Variants in ZNF699 observed in about 807,000 individuals in gnomAD.
ZNF699 encodes zinc finger protein 699, also known as hangover homolog.
Under a neutral mutation model 22.5 loss-of-function variants are expected in ZNF699, and 18 were observed. The observed-to-expected ratio is 0.80, with a 90% CI of 0.55 to 1.19. The LOEUF (loss-of-function observed/expected upper bound fraction) is 1.19. Ranked by LOEUF, ZNF699 falls within the 50% of genes most tolerant of loss-of-function variation. The pLI is 0.00. For synonymous variants in ZNF699, 241 were observed against 262.3 expected (o/e 0.92, Z 0.78); for missense variants, 670 against 763.4 (o/e 0.88, Z 1.44).
In ZNF699 at chr19:9,293,903, C is replaced by T. The variant is rs1351664139; in HGVS notation, c.*1572G>A. On this transcript the variant is annotated 3_prime_UTR_variant, in exon 6 of 6. Coordinates refer to ENST00000591998, the MANE Select transcript of ZNF699 (RefSeq NM_198535.3). ...AATATAATACTGTAGCTAAAGGTAC[C>T]TGAAGCAATTCATCTTCTTACATTT... Among the ~76,000 whole-genome samples the T allele has an allele frequency of 1.1e-4, 16 of 150,420 alleles. No individual in the cohort carries two copies. The Admixed American group carries it at 1.1e-3, about 10-fold the overall frequency.
chr19:9,293,427 C>T lies in ZNF699; in HGVS notation c.*2048G>A. Among the ~76,000 whole-genome samples the T allele has an allele frequency of 6.6e-6, 1 of 152,272 alleles. No homozygotes were observed. Among genetic ancestry groups the T allele is most frequent in the East Asian group, 1.9e-4 (1 of 5,184 alleles). ...AGTCTACCCTATGATTCAGTAAATT[C>T]ATTCCTGAGCATATAGCACATACCA... is the stretch of plus-strand genomic sequence containing the variant. On this transcript the variant is annotated 3_prime_UTR_variant, in exon 6 of 6. Coordinates refer to ENST00000591998, the MANE Select transcript of ZNF699 (RefSeq NM_198535.3).
At position 9,296,532 on chromosome 19, in the gene ZNF699, GAAC is replaced by G. The variant is rs779928911; in HGVS notation, c.869_871del (p.Cys290del). ...TCTTTTGTGTTCTGTGAGCGATGAG[GAAC>G]AACTAAAACCTTTCCCACATTCTTT... On this transcript the variant is annotated inframe_deletion, in exon 6 of 6. Coordinates refer to ENST00000591998, the MANE Select transcript of ZNF699 (RefSeq NM_198535.3). 6.2e-7 allele frequency: 1 copy of G among 1,613,846 alleles called. No homozygotes were observed. The highest frequency in any genetic ancestry group is 8.5e-7 in the Non-Finnish European group (1 of 1,179,994).
At position 9,293,190 on chromosome 19, in the gene ZNF699, A is replaced by G. The variant is rs567190820; in HGVS notation, c.*2285T>C. 0.018 allele frequency among the ~76,000 whole-genome samples: 2,721 copies of G among 151,494 alleles called. 69 individuals carry two copies. The highest frequency in any genetic ancestry group is 0.06 in the African/African-American group (2,458 of 41,170). On this transcript the variant is annotated 3_prime_UTR_variant, in exon 6 of 6. Coordinates refer to ENST00000591998, the MANE Select transcript of ZNF699 (RefSeq NM_198535.3). The stretch of plus-strand genomic sequence containing the variant: ...GAAATGTTTCAACAGGTGCCCTCAA[A>G]AAAAAAAAAAATCCAAATAGCCAAT...
At chr19:9,308,081 T>TA (rs1164168778) in intron 1 of ZNF699, among the ~76,000 whole-genome samples, 1 of 151,944 alleles carries the variant, frequency 6.6e-6, no homozygotes, top group African/African-American at 2.4e-5. Flanking sequence ...TCAGAAAAGC[T>TA]AAAAAAGCAT....
chr19:9,293,148 AGAAAT>A lies in ZNF699; in HGVS notation c.*2322_*2326del, dbSNP rs1384722843. On this transcript the variant is annotated 3_prime_UTR_variant, in exon 6 of 6. Coordinates refer to ENST00000591998, the MANE Select transcript of ZNF699 (RefSeq NM_198535.3). ...CGTCTCAAAAAAAAAAAAAAAGAAA[AGAAAT>A]CATAAATGGATGAAATGTTTCAACA... 4.0e-5 allele frequency among the ~76,000 whole-genome samples: 6 copies of A among 151,832 alleles called. No homozygotes were observed. Among genetic ancestry groups the A allele is most frequent in the African/African-American group, 1.2e-4 (5 of 41,274 alleles).
chr19:9,296,525 C>A lies in ZNF699; in HGVS notation c.879G>T (p.Ser293=), dbSNP rs778167775. Residue 293 remains serine (S), a synonymous_variant, in exon 6 of 6, where the codon TCG becomes TCT. Coordinates refer to ENST00000591998, the MANE Select transcript of ZNF699 (RefSeq NM_198535.3). ...ECGKGFSCSS[S]LTEHKRIHSG... is the part of the protein sequence containing the mutation. ...TGTGAATTCTTTTGTGTTCTGTGAG[C>A]GATGAGGAACAACTAAAACCTTTCC... 1.2e-6 allele frequency: 2 copies of A among 1,613,592 alleles called. No individual in the cohort carries two copies. Among genetic ancestry groups the A allele is most frequent in the Non-Finnish European group, 1.7e-6 (2 of 1,179,878 alleles).
chr19:9,298,649 C>T (rs2066296038), intron 3 of ZNF699, among the ~76,000 whole-genome samples: 1 of 152,072 alleles, frequency 6.6e-6, no homozygotes, highest in Non-Finnish European at 1.5e-5. Flanking sequence ...TAAAATGAAA[C>T]AAAACAAGGT....
Position 9,297,199 on chromosome 19 carries a change from C to A in ZNF699, c.470+97G>T. 7.9e-7 allele frequency: 1 copy of A among 1,259,076 alleles called. No homozygotes were observed. The highest frequency in any genetic ancestry group is 2.6e-5 in the East Asian group (1 of 38,198). 78.0% of individuals were successfully genotyped at this position (1,259,076 alleles called of 1,614,324 possible). On this transcript the variant is annotated intron_variant, in intron 5 of 5. Coordinates refer to ENST00000591998, the MANE Select transcript of ZNF699 (RefSeq NM_198535.3). The surrounding 1 kb of genome is among the most constrained non-coding windows in gnomAD (Gnocchi z 4.3). The stretch of plus-strand genomic sequence containing the variant: ...TCTTTCTCAAACCACAATCTTTGAT[C>A]TAGGCTTATTTATATATACATATTT...
In ZNF699 at chr19:9,302,501, A is replaced by C; in HGVS notation, c.52T>G (p.Ser18Ala). The change falls in exon 3 of 6, where the codon TCA becomes GCA. Residue 18 changes from serine to alanine, a missense_variant. Physicochemically the swap from Ser to Ala is moderately conservative, Grantham distance 99. Coordinates refer to ENST00000591998, the MANE Select transcript of ZNF699 (RefSeq NM_198535.3). The stretch of plus-strand genomic sequence containing the variant: ...ACAGCCACATCCTCAAAGACTACTG[A>C]GTCCTAAAACATACCACAAATTCTG... Reference protein sequence around the residue: ...AELQKNRIQDSVVFEDVAVDF... With the variant: ...AELQKNRIQDAVVFEDVAVDF... 1 of 1,611,428 alleles carries C rather than the reference A, an allele frequency of 6.2e-7. No homozygotes were observed. The highest frequency in any genetic ancestry group is 8.5e-7 in the Non-Finnish European group (1 of 1,178,648).
chr19:9,301,055 C>A (rs867323521), intron 3 of ZNF699, among the ~76,000 whole-genome samples: 1 of 151,294 alleles, frequency 6.6e-6, no homozygotes, highest in Non-Finnish European at 1.5e-5. Flanking sequence ...AGAGGTTATA[C>A]GGGAAATCTC....
intron 3 of ZNF699, among the ~76,000 whole-genome samples, chr19:9,299,965 A>G (rs1195259635): frequency 6.6e-6 from 1 of 152,184 alleles, no homozygotes; most frequent in African/African-American, 2.4e-5. Flanking sequence ...GATGCTCAAC[A>G]TCATAAGTCA....
In ZNF699 at chr19:9,309,531, G is replaced by C. The variant is rs1028200771; in HGVS notation, c.-187C>G. On this transcript the variant is annotated 5_prime_UTR_variant, in exon 1 of 6. Transcript: ENST00000591998. ...CTGCATCAGAATCACCCCGATTTCT[G>C]TACCCAGACCAGAGTTCCCGATTCA... 1.3e-5 allele frequency: 2 copies of C among 152,316 alleles called. No individual in the cohort carries two copies. Among genetic ancestry groups the C allele is most frequent in the Non-Finnish European group, 2.9e-5 (2 of 68,088 alleles). The allele number at this position is 152,316 out of a possible 1,614,324, so 9.4% of individuals were successfully genotyped here.
Position 9,295,549 on chromosome 19 carries a change from C to T in ZNF699, c.1855G>A (p.Glu619Lys), listed in dbSNP as rs1458745091. Residue 619 changes from glutamate to lysine, a missense_variant, in exon 6 of 6, where the codon GAA becomes AAA. Transcript: ENST00000591998. ...GGACAAACAAAGGCTTTCCCACATT[C>T]CTTACATTCATAGGGTTTCTCTCCA... Reference protein sequence around the residue: ...HTGEKPYECKECGKAFVCPAY... With the variant: ...HTGEKPYECKKCGKAFVCPAY... The T allele has an allele frequency of 1.9e-6, 3 of 1,614,020 alleles. No individual in the cohort carries two copies. In the South Asian group the frequency reaches 3.3e-5, roughly 18 times the overall value.
chr19:9,304,594 G>A (rs1369475556), intron 2 of ZNF699, among the ~76,000 whole-genome samples: 1 of 152,206 alleles, frequency 6.6e-6, no homozygotes, highest in African/African-American at 2.4e-5. Context: ...GTCTATGGCT[G>A]CTTTTGCACC....
At chr19:9,307,299 C>T (rs1176254024) in intron 1 of ZNF699, among the ~76,000 whole-genome samples, 1 of 152,200 alleles carries the variant, frequency 6.6e-6, no homozygotes, top group Non-Finnish European at 1.5e-5. Flanking sequence ...ATAGCCCTTA[C>T]CTCCTTCGTT....
At chr19:9,306,008 C>T (rs1233342051) in intron 1 of ZNF699, among the ~76,000 whole-genome samples, 2 of 151,104 alleles carry the variant, frequency 1.3e-5, no homozygotes, top group Non-Finnish European at 2.9e-5. Flanking sequence ...GGCCAAGCAT[C>T]AGCCTATTGA....
Position 9,296,584 on chromosome 19 carries a change from T to C in ZNF699, c.820A>G (p.Ile274Val), listed in dbSNP as rs772648607. ...SFFRAHMKIH[I>V]GKTNYECKEC... The stretch of plus-strand genomic sequence containing the variant: ...TTACATTCATAGTTTGTCTTTCCGA[T>C]GTGAATCTTCATATGTGCCCTAAAG... The change falls in exon 6 of 6, where the codon ATC becomes GTC. Residue 274 changes from isoleucine (I) to valine (V), a missense_variant. Physicochemically the swap from Ile to Val is conservative, Grantham distance 29 (BLOSUM62 3). Coordinates refer to ENST00000591998, the MANE Select transcript of ZNF699 (RefSeq NM_198535.3). The C allele has an allele frequency of 1.2e-5, 20 of 1,614,220 alleles. No homozygotes were observed. The highest frequency in any genetic ancestry group is 1.7e-5 in the Admixed American group (1 of 60,032).
rs117558606 is a variant in ZNF699, at chr19:9,306,478, A to T, written c.-5-1354T>A. ...AAATTTCAAACAACGACATGTTAAC[A>T]GTTACTTCCACTGCAGTGGAACAAG... On this transcript the variant is annotated intron_variant, in intron 1 of 5. Transcript: ENST00000591998. 5.5e-3 allele frequency among the ~76,000 whole-genome samples: 837 copies of T among 152,322 alleles called. 3 individuals are homozygous for T. The highest frequency in any genetic ancestry group is 0.01 in the Middle Eastern group (3 of 294).
chr19:9,303,319 G>C (rs1032005703), intron 2 of ZNF699, among the ~76,000 whole-genome samples: 1 of 152,162 alleles, frequency 6.6e-6, no homozygotes, highest in Admixed American at 6.5e-5. Flanking sequence ...AAGTTAAAAG[G>C]CTGTCAATTA....
Sources: allele counts gnomAD v4.1 joint callset (sites outside exome capture counted in the v4.1 genomes callset), GRCh38; gene constraint gnomAD v4.1.1; non-coding constraint Gnocchi (gnomAD v3.1); transcripts MANE v1.5; gene names NCBI Gene and HGNC (gene_info 2026-07-23, HGNC 2026-07-21).